The following TRPM3 variants were observed in gnomAD, a reference collection of about 807,000 sequenced individuals.
TRPM3 encodes transient receptor potential cation channel subfamily M member 3.
A neutral mutation model predicts 181.2 loss-of-function variants in TRPM3; 77 were observed. The ratio of observed to expected loss-of-function variants is 0.42; its 90% CI spans 0.35 to 0.51. The LOEUF is 0.51. Among genes scored for constraint, TRPM3 ranks in the 20% least tolerant of loss-of-function variants. The pLI, the probability that TRPM3 is intolerant of heterozygous loss-of-function variation, is 0.01. For synonymous variants in TRPM3, 745 were observed against 796.4 expected, an observed-to-expected ratio of 0.94 and a Z score of 1.09; for missense variants, 1,759 against 2,196.7, an observed-to-expected ratio of 0.80 and a Z score of 3.98.
intron 1 of TRPM3, among the ~76,000 whole-genome samples, chr9:70,992,061 C>A (rs1378071755): frequency 3.3e-5 from 5 of 152,266 alleles, no homozygotes; most frequent in African/African-American, 1.2e-4. Context: ...TTTCTTTGCT[C>A]CACTCCAGTA....
intron 21 of TRPM3, among the ~76,000 whole-genome samples, chr9:70,596,435 A>T (rs921335411): frequency 6.6e-6 from 1 of 152,184 alleles, no homozygotes; most frequent in African/African-American, 2.4e-5. Context: ...TCAAGTAATA[A>T]TAATAAAGAA....
At chr9:70,772,897 C>G (rs562492352) in intron 7 of TRPM3, among the ~76,000 whole-genome samples, 1 of 152,202 alleles carries the variant, frequency 6.6e-6, no homozygotes, top group African/African-American at 2.4e-5. Context: ...TGAGTTCATT[C>G]CAAGTGCAAT....
rs1308658522 is a variant in TRPM3 at position 70,827,989 on chromosome 9, A to T, written c.831T>A (p.Asn277Lys). The stretch of plus-strand genomic sequence containing the variant: ...TGAGAACAGTGAGCTTGCTCATGGG[A>T]TTGGACATGGTCTGGTATGGCCGGA... ...DVVRPYQTMS[N>K]PMSKLTVLNS... The change falls in exon 6 of 26, where the codon AAT (asparagine) becomes AAA (lysine). Residue 277 changes from asparagine to lysine, a missense_variant. Physicochemically the swap from Asn to Lys is moderately conservative, Grantham distance 94 (BLOSUM62 0). Transcript: ENST00000677713. The T allele has an allele frequency of 6.2e-7, 1 of 1,613,830 alleles. No individual in the cohort carries two copies. Among genetic ancestry groups the T allele is most frequent in the African/African-American group, 1.3e-5 (1 of 74,924 alleles).
intron 8 of TRPM3, among the ~76,000 whole-genome samples, chr9:70,699,781 C>G (rs149889691): frequency 6.6e-6 from 1 of 152,186 alleles, no homozygotes; most frequent in Non-Finnish European, 1.5e-5. Context: ...GAAGCTGCAC[C>G]AGGCTTGAGA....
chr9:71,166,212 C>A (rs1313371069), intron 1 of TRPM3, among the ~76,000 whole-genome samples: 1 of 152,114 alleles, frequency 6.6e-6, no homozygotes, highest in Non-Finnish European at 1.5e-5. Context: ...CTGCAGGAGT[C>A]GGCAGCCACA....
chr9:70,902,642 A>T (rs1564724236), intron 1 of TRPM3, among the ~76,000 whole-genome samples: 1 of 152,194 alleles, frequency 6.6e-6, no homozygotes, highest in African/African-American at 2.4e-5. Context: ...GAGCAAAAAA[A>T]ACAAGCCATG....
At chr9:71,349,547 C>A (rs2091480844) in intron 1 of TRPM3, among the ~76,000 whole-genome samples, 1 of 152,078 alleles carries the variant, frequency 6.6e-6, no homozygotes, top group Non-Finnish European at 1.5e-5. Flanking sequence ...TTTTTAAAAC[C>A]CCAAGATATT....
At chr9:71,339,292 C>T (rs1251134809) in intron 1 of TRPM3, among the ~76,000 whole-genome samples, 1 of 151,962 alleles carries the variant, frequency 6.6e-6, no homozygotes, top group African/African-American at 2.4e-5. Flanking sequence ...AATGTGATCA[C>T]AATAAAAATC....
At chr9:71,213,498 A>G (rs961765866) in intron 1 of TRPM3, among the ~76,000 whole-genome samples, 4 of 152,228 alleles carry the variant, frequency 2.6e-5, no homozygotes, top group African/African-American at 9.6e-5. Context: ...TATCATAAAT[A>G]GCAATACTAT....
At chr9:70,754,781 CAAGAG>C (rs933339015) in intron 8 of TRPM3, among the ~76,000 whole-genome samples, 10 of 152,124 alleles carry the variant, frequency 6.6e-5, no homozygotes, top group African/African-American at 2.4e-4. Flanking sequence ...TTGAAGGATA[CAAGAG>C]AAAAGAGAAA....
At chr9:70,607,610 C>CCAAT (rs1444040217) in intron 19 of TRPM3, among the ~76,000 whole-genome samples, 2 of 151,874 alleles carry the variant, frequency 1.3e-5, no homozygotes, top group African/African-American at 4.9e-5. Flanking sequence ...TCAAGTGTCT[C>CCAAT]CAATCATAAG....
chr9:70,881,009 G>A (rs957793043), intron 1 of TRPM3, among the ~76,000 whole-genome samples: 9 of 152,040 alleles, frequency 5.9e-5, no homozygotes, highest in African/African-American at 1.7e-4. Context: ...CTTCACAAGG[G>A]ACTATGGTCA....
intron 1 of TRPM3, among the ~76,000 whole-genome samples, chr9:71,301,479 C>A (rs1298508453): frequency 6.6e-6 from 1 of 152,140 alleles, no homozygotes; most frequent in Admixed American, 6.6e-5. Flanking sequence ...TTCAAAGCCA[C>A]ATACTGAAGC....
chr9:71,215,726 T>C (rs761185104), intron 1 of TRPM3, among the ~76,000 whole-genome samples: 4 of 152,216 alleles, frequency 2.6e-5, no homozygotes, highest in Admixed American at 2.6e-4. Context: ...TGTGAGAAAT[T>C]GAAAATTTTC....
chr9:70,665,398 T>C (rs757103874), intron 9 of TRPM3, among the ~76,000 whole-genome samples: 1 of 152,112 alleles, frequency 6.6e-6, no homozygotes, highest in Non-Finnish European at 1.5e-5. Context: ...CTGCAGTAAA[T>C]ATTGCCACTA....
chr9:70,915,638 G>A (rs1012366652), intron 1 of TRPM3, among the ~76,000 whole-genome samples: 2 of 151,338 alleles, frequency 1.3e-5, no homozygotes, highest in Non-Finnish European at 2.9e-5. Context: ...ACTTGATCAA[G>A]TAGAAGAAAG....
chr9:70,747,811 C>T (rs2075442170), intron 8 of TRPM3, among the ~76,000 whole-genome samples: 1 of 151,844 alleles, frequency 6.6e-6, no homozygotes, highest in African/African-American at 2.4e-5. Context: ...GGATATTGGA[C>T]TAGGCGACCA....
chr9:70,844,199 T>C (rs950998073), intron 4 of TRPM3, among the ~76,000 whole-genome samples: 1 of 152,134 alleles, frequency 6.6e-6, no homozygotes, highest in Non-Finnish European at 1.5e-5. Flanking sequence ...CTAAACTAAC[T>C]AAACACATGA....
intron 1 of TRPM3, among the ~76,000 whole-genome samples, chr9:71,184,375 G>T (rs2077563836): frequency 1.3e-5 from 2 of 152,214 alleles, no homozygotes; most frequent in South Asian, 4.1e-4. Context: ...GGAAAGGAGT[G>T]TTAACTTGAA....
Sources: gnomAD v4.1 joint callset for allele counts (sites outside exome capture counted in the v4.1 genomes callset) on GRCh38, gnomAD v4.1.1 for gene constraint, MANE v1.5 for transcripts, NCBI Gene and HGNC (gene_info 2026-07-23, HGNC 2026-07-21) for gene names.